FIP1L1: variants seen among roughly 807,000 people sequenced by gnomAD.
FIP1L1 encodes factor interacting with PAPOLA and CPSF1, also known as pre-mRNA 3'-end-processing factor FIP1.
FIP1L1 carries 21 observed loss-of-function variants against 84.6 expected under a neutral mutation model. The ratio of observed to expected loss-of-function variants is 0.25; its 90% CI spans 0.18 to 0.36. FIP1L1 has a LOEUF of 0.36. Among genes scored for constraint, FIP1L1 ranks in the 10% least tolerant of loss-of-function variants. FIP1L1 has a pLI of 1.00. For synonymous variants in FIP1L1, 263 were observed against 242.3 expected (o/e 1.09, Z -0.80); for missense variants, 526 against 751.1 (o/e 0.70, Z 3.50).
intron 13 of FIP1L1, 51 bp downstream of exon 13, chr4:53,428,234 G>T: frequency 6.8e-7 from 1 of 1,472,740 alleles, no homozygotes; most frequent in Non-Finnish European, 9.1e-7. Flanking sequence ...GCTTGCGAGT[G>T]TTTTTTAAAA....
rs116023259 is a variant in FIP1L1 at position 53,387,162 on chromosome 4, T to C, written c.333-2647T>C. 1.6e-3 allele frequency among the ~76,000 whole-genome samples: 243 copies of C among 152,228 alleles called. 2 individuals are homozygous for C. The highest frequency in any genetic ancestry group is 5.6e-3 in the African/African-American group (233 of 41,530). ...TGAATGGGAAAATAGTACATTTGAG[T>C]ATTAGAGAAACAGAAATATAGTCAG... is the stretch of plus-strand genomic sequence containing the variant. On this transcript the variant is annotated intron_variant, in intron 5 of 17. Coordinates refer to ENST00000337488, the MANE Select transcript of FIP1L1 (RefSeq NM_030917.4).
chr4:53,440,366 G>C (rs1356318018), intron 13 of FIP1L1, among the ~76,000 whole-genome samples: 5 of 151,950 alleles, frequency 3.3e-5, no homozygotes, highest in African/African-American at 9.7e-5. Flanking sequence ...GGGAAACCTT[G>C]TTATCAAGTT....
chr4:53,449,711 C>T (rs1168506485), intron 15 of FIP1L1, among the ~76,000 whole-genome samples: 1 of 152,088 alleles, frequency 6.6e-6, no homozygotes, highest in Non-Finnish European at 1.5e-5. Flanking sequence ...TCTGTACCTT[C>T]ACTCACCTGT....
chr4:53,405,951 C>A (rs1304371330), intron 10 of FIP1L1, among the ~76,000 whole-genome samples: 1 of 152,012 alleles, frequency 6.6e-6, no homozygotes, highest in Non-Finnish European at 1.5e-5. Context: ...ACGTCATCTG[C>A]AAACAGGGAC....
intron 9 of FIP1L1, among the ~76,000 whole-genome samples, chr4:53,393,107 A>G (rs1745176643): frequency 6.6e-6 from 1 of 152,214 alleles, no homozygotes; most frequent in Non-Finnish European, 1.5e-5. Flanking sequence ...TTGTGTAGCC[A>G]ATAGGAAGCT....
At chr4:53,394,721 T>C (rs1040989027) in intron 9 of FIP1L1, among the ~76,000 whole-genome samples, 3 of 150,546 alleles carry the variant, frequency 2.0e-5, no homozygotes, top group African/African-American at 7.5e-5. Context: ...TGAAACAAAA[T>C]TGTGATAATT....
At chr4:53,417,642 CAAAAAAAAA>C (rs57635694) in intron 11 of FIP1L1, among the ~76,000 whole-genome samples, 2 of 46,358 alleles carry the variant, frequency 4.3e-5, no homozygotes, top group Non-Finnish European at 8.5e-5. Flanking sequence ...AACTCCTTCT[CAAAAAAAAA>C]AAAAAAAAAA....
At chr4:53,406,950 C>CA (rs1455696253) in intron 10 of FIP1L1, among the ~76,000 whole-genome samples, 1 of 152,008 alleles carries the variant, frequency 6.6e-6, no homozygotes, top group Admixed American at 6.5e-5. Context: ...TTGATCTTTT[C>CA]AAAAAACCAG....
intron 9 of FIP1L1, among the ~76,000 whole-genome samples, chr4:53,391,982 G>T (rs1056104597): frequency 2.6e-5 from 4 of 152,122 alleles, no homozygotes; most frequent in African/African-American, 9.7e-5. Flanking sequence ...TCTCTGAGAG[G>T]CTTTAAGAAC....
At chr4:53,409,249 C>A (rs1219972846) in intron 10 of FIP1L1, among the ~76,000 whole-genome samples, 1 of 152,200 alleles carries the variant, frequency 6.6e-6, no homozygotes, top group African/African-American at 2.4e-5. Context: ...TTGGAGTTTG[C>A]TGGAGGTCTA....
At chr4:53,393,914 TTTC>T (rs1246807950) in intron 9 of FIP1L1, among the ~76,000 whole-genome samples, 20 of 151,978 alleles carry the variant, frequency 1.3e-4, no homozygotes, top group African/African-American at 4.3e-4. Flanking sequence ...TATGGAACAC[TTTC>T]TTCTTTTACT....
In FIP1L1 at chr4:53,414,739, A is replaced by G; in HGVS notation, c.923+17A>G. ...TGATCTAAGGTAAGGCTATTTTTAAACATTGGATACTCCCTGATGTTTAGA... is the reference window on the plus strand; with the variant it reads ...TGATCTAAGGTAAGGCTATTTTTAAGCATTGGATACTCCCTGATGTTTAGA... On this transcript the variant is annotated intron_variant, in intron 11 of 17. Transcript: ENST00000337488. 1 of 1,473,212 alleles carries G rather than the reference A, an allele frequency of 6.8e-7. No homozygotes were observed. Among genetic ancestry groups the G allele is most frequent in the Non-Finnish European group, 9.5e-7 (1 of 1,053,374 alleles). 91.3% of individuals were successfully genotyped at this position (1,473,212 alleles called of 1,614,324 possible). A position where few individuals can be genotyped will look rare whatever the true frequency, so the allele number is the denominator to read the frequency against.
At position 53,378,047 on chromosome 4, in the gene FIP1L1, CCTGA is replaced by C. The variant is rs1355484250; in HGVS notation, c.85+127_85+130del. On this transcript the variant is annotated intron_variant, in intron 1 of 17. Transcript: ENST00000337488. ...GCCTCTGGTTGGGAGTCCTGTCCGG[CCTGA>C]CTTAGGCCGAGCGCGGCGTGCGCGT... 3 of 900,828 alleles carry C rather than the reference CCTGA, an allele frequency of 3.3e-6. No homozygotes were observed. In the African/African-American group the frequency reaches 5.2e-5, roughly 16 times the overall value. 55.8% of individuals were successfully genotyped at this position (900,828 alleles called of 1,614,324 possible).
chr4:53,399,848 C>T lies in FIP1L1; in HGVS notation c.815+9C>T. The T allele has an allele frequency of 6.5e-7, 1 of 1,548,336 alleles. No individual in the cohort carries two copies. The highest frequency in any genetic ancestry group is 8.9e-7 in the Non-Finnish European group (1 of 1,121,214). On this transcript the variant is annotated intron_variant, in intron 10 of 17. Transcript: ENST00000337488. Reference sequence around the variant, plus strand: ...GGGCTTCCACCGAGCAGGTTAGTTACATAGTTATAACTCAATTACTGTACG... The same window carrying T: ...GGGCTTCCACCGAGCAGGTTAGTTATATAGTTATAACTCAATTACTGTACG...
At chr4:53,385,315 T>C (rs1740338014) in intron 5 of FIP1L1, among the ~76,000 whole-genome samples, 1 of 152,170 alleles carries the variant, frequency 6.6e-6, no homozygotes. Flanking sequence ...TTTTGGATTA[T>C]GGATGGGACC....
chr4:53,391,230 A>C (rs1744097883), intron 8 of FIP1L1, 91 bp downstream of exon 8: 1 of 1,383,888 alleles, frequency 7.2e-7, no homozygotes, highest in African/African-American at 1.5e-5. Flanking sequence ...AAGTGGTTAA[A>C]TGCTATATGA....
At chr4:53,419,039 G>GT (rs980921281) in intron 11 of FIP1L1, among the ~76,000 whole-genome samples, 4 of 151,922 alleles carry the variant, frequency 2.6e-5, no homozygotes, top group South Asian at 2.1e-4. Context: ...TTTTTTGTTT[G>GT]TTTTTTTAAG....
chr4:53,442,554 T>G (rs1772416898), intron 13 of FIP1L1, 99 bp from the exon 14 acceptor site: 4 of 779,882 alleles, frequency 5.1e-6, no homozygotes, highest in Non-Finnish European at 8.9e-6. Context: ...AGCACATTCA[T>G]ATCCCCAGAG....
intron 5 of FIP1L1, 39 bp downstream of exon 5, chr4:53,383,915 T>C (rs770838855): frequency 3.1e-6 from 5 of 1,592,012 alleles, no homozygotes; most frequent in Non-Finnish European, 4.3e-6. Flanking sequence ...GTGTAAATGC[T>C]ATATAGTAAG....
Sources: allele counts gnomAD v4.1 joint callset (sites outside exome capture counted in the v4.1 genomes callset), GRCh38; gene constraint gnomAD v4.1.1; transcripts MANE v1.5; gene names NCBI Gene and HGNC (gene_info 2026-07-23, HGNC 2026-07-21).